Variants in POLE4 observed in about 807,000 individuals in gnomAD.
POLE4 encodes the protein DNA polymerase epsilon 4, accessory subunit.
POLE4 carries 15 observed loss-of-function variants against 15.6 expected under a neutral mutation model. That is an observed-to-expected ratio of 0.96 (90% CI 0.64 to 1.48). POLE4 has a LOEUF of 1.48. Among genes scored for constraint, POLE4 ranks in the 40% most tolerant of loss-of-function variants. The pLI is 0.00. For synonymous variants in POLE4, 83 were observed against 63.2 expected (o/e 1.31, Z -1.49); for missense variants, 205 against 151.9 (o/e 1.35, Z -1.84).
rs1671347948 is a variant in POLE4, at chr2:74,969,916, C to G, written c.*494C>G. 6.4e-6 allele frequency: 1 copy of G among 156,086 alleles called. No individual in the cohort carries two copies. The highest frequency in any genetic ancestry group is 2.4e-5 in the African/African-American group (1 of 41,528). The allele number at this position is 156,086 out of a possible 1,614,324, so 9.7% of individuals were successfully genotyped here. ...TGGTTCCAGAATTTATGGAACACCACTTGCCCTCAGGAGTTCAAATAAATA... is the reference window on the plus strand; with the variant it reads ...TGGTTCCAGAATTTATGGAACACCAGTTGCCCTCAGGAGTTCAAATAAATA... On this transcript the variant is annotated 3_prime_UTR_variant, in exon 4 of 4. Coordinates refer to ENST00000483063, the MANE Select transcript of POLE4 (RefSeq NM_019896.4).
At position 74,958,903 on chromosome 2, in the gene POLE4, A is replaced by C. The variant is rs750905468; in HGVS notation, c.213+11A>C. ...CTGGCACGAGCCGCGGTGCGCCTGC[A>C]GCGCGAGGGCATGCGGGAGTGGGGG... On this transcript the variant is annotated intron_variant, in intron 1 of 3. Transcript: ENST00000483063. The C allele has an allele frequency of 3.2e-6, 5 of 1,550,366 alleles. No individual in the cohort carries two copies. Among genetic ancestry groups the C allele is most frequent in the South Asian group, 2.4e-5 (2 of 84,150 alleles).
Position 74,967,922 on chromosome 2 carries a change from C to CTT in POLE4, c.341-1486_341-1485insTT, listed in dbSNP as rs570865792. 4.8e-3 allele frequency among the ~76,000 whole-genome samples: 677 copies of CTT among 141,840 alleles called. 8 individuals are homozygous for CTT. The highest frequency in any genetic ancestry group is 0.016 in the African/African-American group (647 of 40,928). 93.1% of individuals were successfully genotyped at this position (141,840 alleles called of 152,430 possible). A position where few individuals can be genotyped will look rare whatever the true frequency, so the allele number is the denominator to read the frequency against. On this transcript the variant is annotated intron_variant, in intron 3 of 3. Transcript: ENST00000483063. The stretch of plus-strand genomic sequence containing the variant: ...GATTAAATTCCAGTTCGTCCTTACT[C>CTT]TGAGGGGGCAGCCTTTTGGGCTCTA...
chr2:74,969,091 T>C (rs1315116295), intron 3 of POLE4, among the ~76,000 whole-genome samples: 1 of 151,904 alleles, frequency 6.6e-6, no homozygotes, highest in Non-Finnish European at 1.5e-5. Flanking sequence ...AATTAGAGAG[T>C]TTACCTCATT....
intron 3 of POLE4, among the ~76,000 whole-genome samples, chr2:74,968,560 T>C (rs1671324695): frequency 6.6e-6 from 1 of 151,942 alleles, no homozygotes; most frequent in Non-Finnish European, 1.5e-5. Context: ...CTGGCAGTTT[T>C]AGAGGCTGTT....
chr2:74,969,361 C>G (rs77911144), intron 3 of POLE4, 48 bp from the exon 4 acceptor site: 5 of 1,595,766 alleles, frequency 3.1e-6, no homozygotes, highest in Non-Finnish European at 3.4e-6. Flanking sequence ...TTACACTAAT[C>G]CAGCTTCTGA....
At chr2:74,960,564 A>G in intron 3 of POLE4, 1 of 500,992 alleles carries the variant, frequency 2.0e-6, no homozygotes, top group Non-Finnish European at 4.0e-6. Context: ...TGCTGCAATA[A>G]GACTTGTACT....
At chr2:74,960,065 G>A in intron 2 of POLE4, 40 bp from the exon 3 acceptor site, 1 of 1,582,310 alleles carries the variant, frequency 6.3e-7, no homozygotes, top group Non-Finnish European at 8.7e-7. Context: ...AGGTCAGCAT[G>A]GCTGAAGTTA....
chr2:74,960,225 A>G (rs763246416), intron 3 of POLE4, 79 bp downstream of exon 3: 7 of 1,175,050 alleles, frequency 6.0e-6, no homozygotes, highest in African/African-American at 1.5e-5. Context: ...CATAAAACGG[A>G]TGCCTGCTTC....
chr2:74,969,122 T>C (rs1036011897), intron 3 of POLE4, among the ~76,000 whole-genome samples: 2 of 152,216 alleles, frequency 1.3e-5, no homozygotes, highest in African/African-American at 2.4e-5. Context: ...TCTTTTCTTA[T>C]ATGGTCTTCA....
intron 3 of POLE4, among the ~76,000 whole-genome samples, chr2:74,964,298 G>A (rs1460489089): frequency 1.3e-5 from 2 of 151,942 alleles, no homozygotes; most frequent in Non-Finnish European, 2.9e-5. Flanking sequence ...TTTTTTCTAA[G>A]TATCTTTGCT....
chr2:74,960,180 C>T (rs1378960870), intron 3 of POLE4, 34 bp downstream of exon 3: 17 of 1,564,332 alleles, frequency 1.1e-5, no homozygotes, highest in Non-Finnish European at 1.4e-5. Flanking sequence ...TCATTTCCGC[C>T]TGTCTTTTGC....
In POLE4 at chr2:74,969,427, C is replaced by A. The variant is rs373516792; in HGVS notation, c.*5C>A. The A allele has an allele frequency of 6.2e-7, 1 of 1,613,552 alleles. No homozygotes were observed. Among genetic ancestry groups the A allele is most frequent in the African/African-American group, 1.3e-5 (1 of 74,896 alleles). The stretch of plus-strand genomic sequence containing the variant: ...TGTTTAGGTACTTTAGATTGATTGC[C>A]GAGCGGGGCAGTTTTGTGAGCCTTC... On this transcript the variant is annotated 3_prime_UTR_variant, in exon 4 of 4. Transcript: ENST00000483063.
chr2:74,963,015 A>G (rs1184901807), intron 3 of POLE4, among the ~76,000 whole-genome samples: 2 of 152,252 alleles, frequency 1.3e-5, no homozygotes, highest in Non-Finnish European at 2.9e-5. Flanking sequence ...TTGCTATATG[A>G]CAGTACCACA....
At chr2:74,964,720 C>T (rs910836972) in intron 3 of POLE4, among the ~76,000 whole-genome samples, 6 of 151,912 alleles carry the variant, frequency 3.9e-5, no homozygotes, top group Non-Finnish European at 7.4e-5. Context: ...TGATGTAGTT[C>T]TTAATAATTT....
intron 3 of POLE4, 148 bp downstream of exon 3, chr2:74,960,294 T>C (rs966977944): frequency 2.8e-6 from 2 of 702,220 alleles, no homozygotes; most frequent in East Asian, 5.0e-5. Context: ...AGTAACTTGC[T>C]AAACCTAGTG....
chr2:74,959,714 G>T, intron 2 of POLE4: 1 of 418,488 alleles, frequency 2.4e-6, no homozygotes, highest in Non-Finnish European at 4.3e-6. Context: ...AGCAACTGGG[G>T]ATTTGATTTC....
intron 3 of POLE4, among the ~76,000 whole-genome samples, chr2:74,964,974 A>G (rs1671274759): frequency 6.6e-6 from 1 of 152,140 alleles, no homozygotes; most frequent in Non-Finnish European, 1.5e-5. Flanking sequence ...GATTTTATGT[A>G]GATTTTTTAA....
chr2:74,968,626 GT>G lies in POLE4; in HGVS notation c.341-769del, dbSNP rs397937933. Reference sequence around the variant, plus strand: ...TTTAGAAGAGAGCCCTGTGATCTTTGTTTTTTTTTTTTTTCCAAGTTAGGTT... The same window carrying G: ...TTTAGAAGAGAGCCCTGTGATCTTTGTTTTTTTTTTTTTCCAAGTTAGGTT... On this transcript the variant is annotated intron_variant, in intron 3 of 3. Transcript: ENST00000483063. 7.6e-3 allele frequency among the ~76,000 whole-genome samples: 1,031 copies of G among 135,982 alleles called. 9 individuals carry two copies. Among genetic ancestry groups the G allele is most frequent in the African/African-American group, 0.022 (810 of 37,394 alleles). 89.2% of individuals were successfully genotyped at this position (135,982 alleles called of 152,430 possible). A position where few individuals can be genotyped will look rare whatever the true frequency, so the allele number is the denominator to read the frequency against.
intron 1 of POLE4, 78 bp from the exon 2 acceptor site, chr2:74,959,263 C>T (rs910560820): frequency 2.3e-6 from 2 of 871,492 alleles, no homozygotes; most frequent in Non-Finnish European, 3.8e-6. Flanking sequence ...CCCTTTCTGC[C>T]CCCACCCACA....
Sources: gnomAD v4.1 joint callset for allele counts (sites outside exome capture counted in the v4.1 genomes callset) on GRCh38, gnomAD v4.1.1 for gene constraint, MANE v1.5 for transcripts, NCBI Gene and HGNC (gene_info 2026-07-23, HGNC 2026-07-21) for gene names.